MAP7: variants seen among roughly 807,000 people sequenced by gnomAD.
MAP7 encodes the protein ensconsin.
MAP7 carries 52 observed loss-of-function variants against 94.8 expected under a neutral mutation model. The observed-to-expected ratio is 0.55, with a 90% confidence interval of 0.44 to 0.69. MAP7 has a LOEUF of 0.69. Among genes scored for constraint, MAP7 ranks in the 30% least tolerant of loss-of-function variants. MAP7 has a pLI of 0.00. For missense variants in MAP7, 940 were observed against 964.6 expected, an observed-to-expected ratio of 0.97 and a Z score of 0.34; for synonymous variants, 350 against 357.0, an observed-to-expected ratio of 0.98 and a Z score of 0.22.
chr6:136,386,204 G>A (rs1432941858), intron 5 of MAP7, among the ~76,000 whole-genome samples: 2 of 152,116 alleles, frequency 1.3e-5, no homozygotes, highest in East Asian at 1.9e-4. Flanking sequence ...CATACATCAG[G>A]TATTGTTGTC....
At chr6:136,446,343 C>A (rs1799349971) in intron 1 of MAP7, among the ~76,000 whole-genome samples, 1 of 151,642 alleles carries the variant, frequency 6.6e-6, no homozygotes, top group Non-Finnish European at 1.5e-5. Flanking sequence ...TAGGGTACAG[C>A]ATGGGAGAAG....
At chr6:136,485,788 TC>T (rs1814528724) in intron 1 of MAP7, among the ~76,000 whole-genome samples, 2 of 151,916 alleles carry the variant, frequency 1.3e-5, no homozygotes, top group African/African-American at 4.8e-5. Context: ...GGTCTCGATC[TC>T]CTGACCTCGT....
chr6:136,397,769 G>A (rs1053900762), intron 3 of MAP7, among the ~76,000 whole-genome samples: 1 of 152,080 alleles, frequency 6.6e-6, no homozygotes, highest in Non-Finnish European at 1.5e-5. Flanking sequence ...AAGCTACCCA[G>A]TCTATGGTAT....
At position 136,448,507 on chromosome 6, in the gene MAP7, C is replaced by T. The variant is rs1043474004; in HGVS notation, c.68-26708G>A. Among the ~76,000 whole-genome samples the T allele has an allele frequency of 5.9e-5, 9 of 151,818 alleles. No homozygotes were observed. In the Middle Eastern group the frequency reaches 0.01, roughly 172 times the overall value. Reference sequence around the variant, plus strand: ...TCAGCTCACTGCAACCTCCACCTCCCGGGTTCAAGTGATTCTCCTGCCTCA... The same window carrying T: ...TCAGCTCACTGCAACCTCCACCTCCTGGGTTCAAGTGATTCTCCTGCCTCA... On this transcript the variant is annotated intron_variant, in intron 1 of 17. Transcript: ENST00000354570.
chr6:136,547,824 T>TAC lies in MAP7; in HGVS notation c.67+2516_67+2517dup, dbSNP rs570718965. ...TGTCAATTCATCTTTGATACACATA[T>TAC]ACACACACACACACTCACACATATA... is the stretch of plus-strand genomic sequence containing the variant. On this transcript the variant is annotated intron_variant, in intron 1 of 17. Transcript: ENST00000354570. Among the ~76,000 whole-genome samples, 109 of 151,728 alleles carry TAC rather than the reference T, an allele frequency of 7.2e-4. 3 individuals are homozygous for TAC. The highest frequency in any genetic ancestry group is 1.0e-3 in the South Asian group (5 of 4,808).
At chr6:136,376,782 G>A (rs1046520266) in intron 7 of MAP7, among the ~76,000 whole-genome samples, 1 of 152,210 alleles carries the variant, frequency 6.6e-6, no homozygotes, top group Admixed American at 6.5e-5. Context: ...TCTCCCAGGG[G>A]TACTATGAGA....
intron 1 of MAP7, among the ~76,000 whole-genome samples, chr6:136,493,187 G>A (rs892036809): frequency 6.9e-5 from 10 of 144,108 alleles, no homozygotes; most frequent in South Asian, 2.2e-4. Flanking sequence ...GCAATGGCAC[G>A]ATCCGGCTCA....
At chr6:136,530,490 C>T (rs2129056115) in intron 1 of MAP7, among the ~76,000 whole-genome samples, 1 of 152,284 alleles carries the variant, frequency 6.6e-6, no homozygotes, top group African/African-American at 2.4e-5. Context: ...AACTTAAAAA[C>T]TTTGCATGAT....
At chr6:136,438,002 C>T (rs537281256) in intron 1 of MAP7, among the ~76,000 whole-genome samples, 2 of 152,284 alleles carry the variant, frequency 1.3e-5, no homozygotes, top group Admixed American at 6.5e-5. Flanking sequence ...GGAAGGTCTA[C>T]AGAGAGTCTA....
chr6:136,541,298 A>T (rs1315809362), intron 1 of MAP7, among the ~76,000 whole-genome samples: 1 of 152,204 alleles, frequency 6.6e-6, no homozygotes, highest in Non-Finnish European at 1.5e-5. Flanking sequence ...TCCTTTCTAG[A>T]ACTTCACCTT....
chr6:136,524,618 G>T (rs1827327583), intron 1 of MAP7, among the ~76,000 whole-genome samples: 1 of 152,204 alleles, frequency 6.6e-6, no homozygotes, highest in African/African-American at 2.4e-5. Flanking sequence ...ACAGTAGTAA[G>T]ATTCTACTTA....
At chr6:136,524,699 A>G (rs1827349272) in intron 1 of MAP7, among the ~76,000 whole-genome samples, 1 of 152,262 alleles carries the variant, frequency 6.6e-6, no homozygotes, top group Non-Finnish European at 1.5e-5. Flanking sequence ...AGACAGTTTC[A>G]ATTATATTTA....
intron 16 of MAP7, among the ~76,000 whole-genome samples, chr6:136,347,423 T>C (rs1053295500): frequency 6.6e-6 from 1 of 152,186 alleles, no homozygotes; most frequent in Non-Finnish European, 1.5e-5. Flanking sequence ...TTTTCCTTTT[T>C]TGAGAAGGGT....
chr6:136,362,311 G>T, intron 11 of MAP7, 139 bp downstream of exon 11: 8 of 1,148,798 alleles, frequency 7.0e-6, no homozygotes, highest in Non-Finnish European at 9.8e-6. Context: ...GTAGTCATAG[G>T]AAAATTAGGT....
At chr6:136,530,286 T>C (rs1431787526) in intron 1 of MAP7, among the ~76,000 whole-genome samples, 2 of 152,212 alleles carry the variant, frequency 1.3e-5, no homozygotes, top group South Asian at 2.1e-4. Context: ...AATTACAAGT[T>C]CCACGTATGT....
intron 1 of MAP7, among the ~76,000 whole-genome samples, chr6:136,480,170 A>G (rs1403991790): frequency 6.6e-6 from 1 of 152,212 alleles, no homozygotes; most frequent in Non-Finnish European, 1.5e-5. Context: ...AACAGAATAG[A>G]TAACCCAATA....
chr6:136,472,833 T>TA (rs141262472), intron 1 of MAP7, among the ~76,000 whole-genome samples: 110 of 147,878 alleles, frequency 7.4e-4, no homozygotes, highest in South Asian at 6.5e-4. Context: ...TTAGTCTCCC[T>TA]AAAAAAAAAA....
chr6:136,543,942 G>T (rs1191027923), intron 1 of MAP7, among the ~76,000 whole-genome samples: 1 of 152,144 alleles, frequency 6.6e-6, no homozygotes, highest in Non-Finnish European at 1.5e-5. Context: ...TTTTTTTCGA[G>T]AAGGTGTCAT....
chr6:136,388,370 T>C (rs1464922969), intron 5 of MAP7, 23 bp downstream of exon 5: 5 of 1,554,264 alleles, frequency 3.2e-6, no homozygotes, highest in Admixed American at 3.5e-5. Flanking sequence ...TAAAGACTAA[T>C]TTTCAAAGTG....
Sources: gnomAD v4.1 joint callset for allele counts (sites outside exome capture counted in the v4.1 genomes callset) on GRCh38, gnomAD v4.1.1 for gene constraint, MANE v1.5 for transcripts, NCBI Gene and HGNC (gene_info 2026-07-23, HGNC 2026-07-21) for gene names.